GALNT13: variants seen among roughly 807,000 people sequenced by gnomAD.
The protein encoded by GALNT13 is polypeptide N-acetylgalactosaminyltransferase 13, also known as UDP-GalNAc:polypeptide N-acetylgalactosaminyltransferase 13.
GALNT13 carries 28 observed loss-of-function variants against 64.2 expected under a neutral mutation model. The observed-to-expected ratio is 0.44, with a 90% CI of 0.32 to 0.60. The LOEUF is 0.60. Among genes scored for constraint, GALNT13 ranks in the 20% least tolerant of loss-of-function variants. GALNT13 has a pLI of 0.05. For synonymous variants in GALNT13, 214 were observed against 224.6 expected (o/e 0.95, Z 0.42); for missense variants, 577 against 669.8 (o/e 0.86, Z 1.53).
At chr2:153,418,268 A>G in the GALNT13 span, among the ~76,000 whole-genome samples, 1 of 152,198 alleles carries the variant, frequency 6.6e-6, no homozygotes, top group African/African-American at 2.4e-5. Context: ...TGCAAAAGAC[A>G]AGGAAACAAA....
the GALNT13 span, among the ~76,000 whole-genome samples, chr2:153,538,469 C>A: frequency 8.0e-6 from 1 of 124,760 alleles, no homozygotes; most frequent in Non-Finnish European, 1.6e-5. Flanking sequence ...TATACATGTG[C>A]CATGCTGGTG....
At chr2:153,353,508 C>T in the GALNT13 span, among the ~76,000 whole-genome samples, 1 of 152,048 alleles carries the variant, frequency 6.6e-6, no homozygotes. Flanking sequence ...GGTGAGATGA[C>T]ACATGTTTGC....
the GALNT13 span, among the ~76,000 whole-genome samples, chr2:153,301,310 A>AAAAAAAAAAAAAAG: frequency 5.6e-5 from 3 of 53,448 alleles, no homozygotes; most frequent in South Asian, 9.4e-4. Flanking sequence ...ACTCCTTCTC[A>AAAAAAAAAAAAAAG]AAAAAAAAGA....
At chr2:153,860,663 A>G in the GALNT13 span, among the ~76,000 whole-genome samples, 13 of 152,188 alleles carry the variant, frequency 8.5e-5, no homozygotes, top group Non-Finnish European at 1.6e-4. Flanking sequence ...GTGGTTATAT[A>G]GGAGACAAAA....
the GALNT13 span, among the ~76,000 whole-genome samples, chr2:153,293,176 A>G: frequency 6.6e-6 from 1 of 152,018 alleles, no homozygotes; most frequent in Non-Finnish European, 1.5e-5. Flanking sequence ...AGTGGTAGGG[A>G]GAATAATGGA....
At chr2:153,416,804 A>G in the GALNT13 span, among the ~76,000 whole-genome samples, 1 of 152,174 alleles carries the variant, frequency 6.6e-6, no homozygotes, top group African/African-American at 2.4e-5. Context: ...GCCCTCATGG[A>G]GCTTGCACTC....
intron 4 of GALNT13, among the ~76,000 whole-genome samples, chr2:154,151,961 G>C (rs1057427569): frequency 2.0e-5 from 3 of 152,120 alleles, no homozygotes; most frequent in African/African-American, 7.2e-5. Context: ...GTGTGAATTT[G>C]ATCCTGTCAT....
At chr2:153,430,086 C>T in the GALNT13 span, among the ~76,000 whole-genome samples, 3 of 151,974 alleles carry the variant, frequency 2.0e-5, no homozygotes, top group Non-Finnish European at 4.4e-5. Context: ...TATGAGATGC[C>T]TTGCCTCAAC....
At chr2:154,455,831 CTCTTT>C (rs1300937622), downstream of GALNT13, among the ~76,000 whole-genome samples, 7 of 152,136 alleles carry the variant, frequency 4.6e-5, no homozygotes, top group African/African-American at 4.8e-5. Context: ...ATTCAGGCAG[CTCTTT>C]TCTTAAGGAT....
At chr2:153,636,956 G>A in the GALNT13 span, among the ~76,000 whole-genome samples, 4 of 151,964 alleles carry the variant, frequency 2.6e-5, no homozygotes, top group Non-Finnish European at 4.4e-5. Flanking sequence ...CTCTGTCAAG[G>A]TGATAGTATG....
chr2:154,419,793 G>A (rs548483387), intron 11 of GALNT13, among the ~76,000 whole-genome samples: 1 of 152,228 alleles, frequency 6.6e-6, no homozygotes, highest in South Asian at 2.1e-4. Flanking sequence ...ACCAACAAGG[G>A]AAGGACACCA....
At chr2:154,341,707 T>G (rs1695782577) in intron 9 of GALNT13, among the ~76,000 whole-genome samples, 2 of 148,118 alleles carry the variant, frequency 1.4e-5, no homozygotes, top group East Asian at 2.0e-4. Context: ...TCTGAGAAAA[T>G]TATCTCCTGT....
chr2:153,425,490 A>G, the GALNT13 span, among the ~76,000 whole-genome samples: 31 of 151,762 alleles, frequency 2.0e-4, no homozygotes, highest in African/African-American at 7.0e-4. Flanking sequence ...GGAAGAAATA[A>G]ATTCAATACA....
At chr2:153,874,451 G>A (rs1686217661) in intron 1 of GALNT13, among the ~76,000 whole-genome samples, 1 of 151,992 alleles carries the variant, frequency 6.6e-6, no homozygotes, top group Non-Finnish European at 1.5e-5. Flanking sequence ...GCTTTGGAGA[G>A]GAAGAATAGA....
At chr2:153,880,512 C>A (rs2105235973) in intron 1 of GALNT13, among the ~76,000 whole-genome samples, 1 of 152,228 alleles carries the variant, frequency 6.6e-6, no homozygotes, top group East Asian at 1.9e-4. Flanking sequence ...AATGTGATTT[C>A]CAATTCAGTA....
the GALNT13 span, among the ~76,000 whole-genome samples, chr2:153,321,971 G>GC: frequency 6.2e-5 from 4 of 64,904 alleles, no homozygotes; most frequent in Non-Finnish European, 1.5e-4. Context: ...TGTGTGTAAA[G>GC]TTGTGTGTGT....
the GALNT13 span, among the ~76,000 whole-genome samples, chr2:153,242,664 A>T: frequency 2.0e-5 from 3 of 152,116 alleles, no homozygotes; most frequent in African/African-American, 7.2e-5. Flanking sequence ...GAAGGACTTA[A>T]TTTTTTTCCT....
chr2:153,965,659 A>C (rs904550582), intron 3 of GALNT13, among the ~76,000 whole-genome samples: 3 of 151,556 alleles, frequency 2.0e-5, no homozygotes, highest in Non-Finnish European at 4.4e-5. Flanking sequence ...GAAAGTTTTA[A>C]TTTCTTGGTA....
the GALNT13 span, among the ~76,000 whole-genome samples, chr2:153,806,588 G>C: frequency 6.6e-6 from 1 of 151,562 alleles, no homozygotes; most frequent in Non-Finnish European, 1.5e-5. Context: ...CAAATTATGT[G>C]GCTCTCTAGG....
Sources: allele counts gnomAD v4.1 joint callset (sites outside exome capture counted in the v4.1 genomes callset), GRCh38; gene constraint gnomAD v4.1.1; transcripts MANE v1.5; gene names NCBI Gene and HGNC (gene_info 2026-07-23, HGNC 2026-07-21).